The following CNBD1 variants were observed in gnomAD, a reference collection of about 807,000 sequenced individuals.
CNBD1 encodes cyclic nucleotide binding domain containing 1.
Under a neutral mutation model 54.4 loss-of-function variants are expected in CNBD1, and 71 were observed. The observed-to-expected ratio is 1.30, with a 90% CI of 1.08 to 1.59. The LOEUF is 1.59. Among genes scored for constraint, CNBD1 ranks in the 40% most tolerant of loss-of-function variants. The pLI is 0.00. For missense variants in CNBD1, 659 were observed against 518.0 expected (o/e 1.27, Z -2.64); for synonymous variants, 182 against 170.7 (o/e 1.07, Z -0.51).
chr8:87,072,811 C>T (rs1810786702), intron 4 of CNBD1, among the ~76,000 whole-genome samples: 1 of 151,414 alleles, frequency 6.6e-6, no homozygotes, highest in Admixed American at 6.6e-5. Context: ...CGTGTAGGAT[C>T]TTACTGGGAT....
At chr8:87,012,400 C>T (rs996316399) in intron 4 of CNBD1, among the ~76,000 whole-genome samples, 2 of 152,134 alleles carry the variant, frequency 1.3e-5, no homozygotes, top group Non-Finnish European at 2.9e-5. Flanking sequence ...TTTTGACTTA[C>T]TTTTGAACCT....
At chr8:87,265,809 C>T (rs915529994) in intron 6 of CNBD1, among the ~76,000 whole-genome samples, 3 of 152,054 alleles carry the variant, frequency 2.0e-5, no homozygotes, top group African/African-American at 7.2e-5. Flanking sequence ...ACTATATTGT[C>T]TATTACAGAA....
At chr8:87,020,352 C>A (rs537242803) in intron 4 of CNBD1, among the ~76,000 whole-genome samples, 2 of 152,182 alleles carry the variant, frequency 1.3e-5, no homozygotes, top group East Asian at 3.9e-4. Flanking sequence ...ACCAATCAGA[C>A]TACATGGGAA....
At chr8:86,928,687 A>C (rs76214377) in intron 3 of CNBD1, among the ~76,000 whole-genome samples, 3,193 of 152,296 alleles carry the variant, frequency 0.021, 104 homozygotes, top group African/African-American at 0.073. Context: ...TCTCACTGCC[A>C]GTTGTCTCCG....
intron 4 of CNBD1, among the ~76,000 whole-genome samples, chr8:87,118,640 GT>G (rs1285959357): frequency 6.6e-6 from 1 of 152,114 alleles, no homozygotes; most frequent in Non-Finnish European, 1.5e-5. Context: ...TAAGTACCTT[GT>G]TTTTTTGTGC....
intron 4 of CNBD1, among the ~76,000 whole-genome samples, chr8:86,961,778 G>C (rs186008896): frequency 2.0e-4 from 30 of 152,324 alleles, no homozygotes; most frequent in Admixed American, 9.8e-4. Context: ...GAAGTAAAAG[G>C]CATTGCAGCT....
intron 10 of CNBD1, among the ~76,000 whole-genome samples, chr8:87,370,357 G>A (rs964807638): frequency 1.3e-5 from 2 of 152,096 alleles, no homozygotes; most frequent in Non-Finnish European, 2.9e-5. Context: ...GTGTAAAAGT[G>A]TTCCTATTTC....
intron 4 of CNBD1, among the ~76,000 whole-genome samples, chr8:86,954,258 C>T (rs1195292598): frequency 6.6e-6 from 1 of 152,172 alleles, no homozygotes; most frequent in Non-Finnish European, 1.5e-5. Flanking sequence ...AAAAATAAAA[C>T]CTTACAGACA....
chr8:87,361,613 C>A (rs943873989), intron 10 of CNBD1, among the ~76,000 whole-genome samples: 2 of 151,130 alleles, frequency 1.3e-5, no homozygotes, highest in African/African-American at 2.4e-5. Context: ...GAAATTTACT[C>A]AAAGTATAGA....
At chr8:86,897,921 A>C (rs1402670647) in intron 2 of CNBD1, among the ~76,000 whole-genome samples, 2 of 152,292 alleles carry the variant, frequency 1.3e-5, no homozygotes. Flanking sequence ...AAGGGTGTTC[A>C]CTGCAGCATT....
intron 8 of CNBD1, among the ~76,000 whole-genome samples, chr8:87,288,218 C>T (rs1035064638): frequency 1.1e-4 from 17 of 152,040 alleles, no homozygotes; most frequent in African/African-American, 1.7e-4. Flanking sequence ...TTTTTTCTAA[C>T]GTAGCATATT....
At chr8:87,361,664 A>T (rs1217503970) in intron 10 of CNBD1, among the ~76,000 whole-genome samples, 1 of 149,350 alleles carries the variant, frequency 6.7e-6, no homozygotes, top group Admixed American at 6.7e-5. Context: ...GTTCATGGGG[A>T]TCATTCCAAC....
rs114466034 is a variant in CNBD1, at chr8:87,297,547, A to G, written c.1042+10876A>G. ...ATTAACTATTATTTCTTTTTAAAAT[A>G]TCTTATAAATCACTTTAATAATAAC... On this transcript the variant is annotated intron_variant, in intron 8 of 10. Transcript: ENST00000518476. 6.2e-3 allele frequency among the ~76,000 whole-genome samples: 947 copies of G among 152,264 alleles called. 8 individuals are homozygous for G. Among genetic ancestry groups the G allele is most frequent in the African/African-American group, 0.021 (886 of 41,554 alleles).
Position 87,375,466 on chromosome 8 carries a change from G to C in CNBD1, c.1304-7154G>C, listed in dbSNP as rs929566137. On this transcript the variant is annotated intron_variant, in intron 10 of 10. Coordinates refer to ENST00000518476, the MANE Select transcript of CNBD1 (RefSeq NM_173538.3). Reference sequence around the variant, plus strand: ...AGAACAAGGCTTAGAAATATCTGTAGATAAAGTTATCAGTGACTTTACTGA... The same window carrying C: ...AGAACAAGGCTTAGAAATATCTGTACATAAAGTTATCAGTGACTTTACTGA... 2.0e-5 allele frequency among the ~76,000 whole-genome samples: 3 copies of C among 151,544 alleles called. No individual in the cohort carries two copies. In the Admixed American group the frequency reaches 2.0e-4, roughly 10 times the overall value.
intron 4 of CNBD1, among the ~76,000 whole-genome samples, chr8:87,003,633 AAG>A (rs2130548699): frequency 6.6e-6 from 1 of 152,276 alleles, no homozygotes; most frequent in East Asian, 1.9e-4. Flanking sequence ...ATTTTTTTTA[AAG>A]AGGGCGTTTA....
chr8:87,375,351 AT>A (rs1413290549), intron 10 of CNBD1, among the ~76,000 whole-genome samples: 1 of 151,896 alleles, frequency 6.6e-6, no homozygotes, highest in Non-Finnish European at 1.5e-5. Context: ...AATTTAGCAC[AT>A]TTCAAAGAGA....
intron 4 of CNBD1, among the ~76,000 whole-genome samples, chr8:87,184,176 G>A (rs1407283054): frequency 2.0e-5 from 3 of 152,142 alleles, no homozygotes; most frequent in Admixed American, 6.5e-5. Context: ...GTGCCAGCAG[G>A]GATTCATCTG....
intron 2 of CNBD1, among the ~76,000 whole-genome samples, chr8:87,413,792 C>A (rs1273321150): frequency 2.6e-5 from 4 of 151,096 alleles, no homozygotes; most frequent in African/African-American, 2.4e-5. Context: ...CACTGGCCAT[C>A]AGAGAAATGC....
At chr8:87,000,435 A>T (rs974120042) in intron 4 of CNBD1, among the ~76,000 whole-genome samples, 2 of 152,344 alleles carry the variant, frequency 1.3e-5, no homozygotes, top group Middle Eastern at 3.4e-3. Context: ...GTGTGAGAAC[A>T]GACTCTAATA....
Sources: allele counts gnomAD v4.1 joint callset (sites outside exome capture counted in the v4.1 genomes callset), GRCh38; gene constraint gnomAD v4.1.1; transcripts MANE v1.5; gene names NCBI Gene and HGNC (gene_info 2026-07-23, HGNC 2026-07-21).